POU2F1: variants seen among roughly 807,000 people sequenced by gnomAD.
POU2F1 encodes the protein POU domain, class 2, transcription factor 1.
POU2F1 carries 16 observed loss-of-function variants against 84.9 expected under a neutral mutation model. The ratio of observed to expected loss-of-function variants is 0.19; its 90% CI spans 0.13 to 0.29. The LOEUF (loss-of-function observed/expected upper bound fraction) is 0.29. Ranked by LOEUF, POU2F1 falls within the 10% of genes least tolerant of loss-of-function variation. The pLI is 1.00. For missense variants in POU2F1, 738 were observed against 942.6 expected, an observed-to-expected ratio of 0.78 and a Z score of 2.84; for synonymous variants, 368 against 368.3, an observed-to-expected ratio of 1.00 and a Z score of 0.01.
intron 2 of POU2F1, among the ~76,000 whole-genome samples, chr1:167,350,673 C>CAA (rs56240224): frequency 4.3e-4 from 25 of 58,702 alleles, no homozygotes; most frequent in African/African-American, 1.1e-3. Flanking sequence ...GACTCCATCT[C>CAA]AAAAAAAAAA....
At chr1:167,252,151 C>CG (rs1650780413) in intron 1 of POU2F1, among the ~76,000 whole-genome samples, 1 of 152,006 alleles carries the variant, frequency 6.6e-6, no homozygotes, top group Non-Finnish European at 1.5e-5. Context: ...TGTGAGCCAC[C>CG]GCTGCAAGTC....
intron 1 of POU2F1, among the ~76,000 whole-genome samples, chr1:167,259,556 A>G (rs1651396986): frequency 6.6e-6 from 1 of 152,148 alleles, no homozygotes; most frequent in South Asian, 2.1e-4. Context: ...CTGTGCGTAC[A>G]TGTTAAGAGT....
In POU2F1 at chr1:167,421,050, ATG is replaced by A. The variant is rs575732358; in HGVS notation, c.*5249_*5250del. On this transcript the variant is annotated 3_prime_UTR_variant, in exon 16 of 16. Transcript: ENST00000367866. ...TCATAACTGATATGAGTTTGCTTTT[ATG>A]TGTGTGTGGAAAGCATTTAATGTGT... The A allele has an allele frequency of 6.6e-6, 1 of 152,158 alleles. No individual in the cohort carries two copies. Among genetic ancestry groups the A allele is most frequent in the Non-Finnish European group, 1.5e-5 (1 of 68,022 alleles). The allele number at this position is 152,158 out of a possible 1,614,324, so 9.4% of individuals were successfully genotyped here. A position where few individuals can be genotyped will look rare whatever the true frequency, so the allele number is the denominator to read the frequency against.
chr1:167,415,920 G>T lies in POU2F1; in HGVS notation c.*110G>T. On this transcript the variant is annotated 3_prime_UTR_variant, in exon 16 of 16. Transcript: ENST00000367866. ...GATTGGCTTCCTCTCGCCGTGTTGT[G>T]AGGGCAAAGGAGAGAAGGGAGAAAA... is the stretch of plus-strand genomic sequence containing the variant. 1 of 919,356 alleles carries T rather than the reference G, an allele frequency of 1.1e-6. No homozygotes were observed. Among genetic ancestry groups the T allele is most frequent in the Non-Finnish European group, 1.6e-6 (1 of 633,240 alleles). The allele number at this position is 919,356 out of a possible 1,614,324, so 56.9% of individuals were successfully genotyped here. A position where few individuals can be genotyped will look rare whatever the true frequency, so the allele number is the denominator to read the frequency against.
intron 1 of POU2F1, among the ~76,000 whole-genome samples, chr1:167,306,413 A>C (rs1325328236): frequency 6.6e-6 from 1 of 152,182 alleles, no homozygotes; most frequent in Non-Finnish European, 1.5e-5. Context: ...TTTTTCTTGT[A>C]CTAGGAGAAA....
At position 167,305,191 on chromosome 1, in the gene POU2F1, AT is replaced by A. The variant is rs112884443; in HGVS notation, c.62-27264del. Among the ~76,000 whole-genome samples the A allele has an allele frequency of 9.6e-3, 1,367 of 142,514 alleles. 19 individuals are homozygous for A. The highest frequency in any genetic ancestry group is 0.029 in the African/African-American group (1,149 of 39,024). 93.5% of individuals were successfully genotyped at this position (142,514 alleles called of 152,430 possible). A position where few individuals can be genotyped will look rare whatever the true frequency, so the allele number is the denominator to read the frequency against. ...GGTGGGGACACAGAGAATGTAGGCA[AT>A]TTTTTTTTTTTTTTAAACAGGATCT... On this transcript the variant is annotated intron_variant, in intron 1 of 15. Transcript: ENST00000367866.
At position 167,395,592 on chromosome 1, in the gene POU2F1, A is replaced by C. The variant is rs111610217; in HGVS notation, c.988-694A>C. ...AGGTGATACAGATAAATTTATTTTTATTTTTCTTTTTTAAATTTTTTTCTT... is the reference window on the plus strand; with the variant it reads ...AGGTGATACAGATAAATTTATTTTTCTTTTTCTTTTTTAAATTTTTTTCTT... On this transcript the variant is annotated intron_variant, in intron 9 of 15. Transcript: ENST00000367866. 8.9e-4 allele frequency among the ~76,000 whole-genome samples: 136 copies of C among 151,974 alleles called. 1 individual carries two copies. Among genetic ancestry groups the C allele is most frequent in the African/African-American group, 3.3e-3 (135 of 41,462 alleles).
rs1408307338 is a variant in POU2F1 at position 167,389,644 on chromosome 1, C to G, written c.870C>G (p.Ser290Arg). ...AATPIQTLPQSQSTPKRIDTP... is the reference protein window; with the variant it reads ...AATPIQTLPQRQSTPKRIDTP... Reference sequence around the variant, plus strand: ...CCCCAATTCAGACACTTCCACAGAGCCAGTCAACACCAAAGCGAATTGATA... The same window carrying G: ...CCCCAATTCAGACACTTCCACAGAGGCAGTCAACACCAAAGCGAATTGATA... Residue 290 changes from serine to arginine, a missense_variant, in exon 9 of 16, where the codon AGC becomes AGG. Physicochemically the swap from Ser to Arg is moderately radical, Grantham distance 110. This residue lies in a region of POU2F1 where 163 missense variants were observed against 214.4 expected (regional missense o/e 0.76). Transcript: ENST00000367866. 1.2e-6 allele frequency: 2 copies of G among 1,614,206 alleles called. No homozygotes were observed. The highest frequency in any genetic ancestry group is 1.7e-6 in the Non-Finnish European group (2 of 1,180,038).
rs539321458 is a variant in POU2F1, at chr1:167,278,732, G to A, written c.62-53738G>A. 5.9e-5 allele frequency among the ~76,000 whole-genome samples: 9 copies of A among 152,056 alleles called. No individual in the cohort carries two copies. In the East Asian group the frequency reaches 1.7e-3, roughly 29 times the overall value. On this transcript the variant is annotated intron_variant, in intron 1 of 15. Transcript: ENST00000367866. ...GTTGACTTAGCTCACTTTTCAGCAA[G>A]CGTTTCAGTGCTTACAATACGCCAG...
chr1:167,421,934 T>C lies in POU2F1; in HGVS notation c.*6124T>C, dbSNP rs1340902094. On this transcript the variant is annotated 3_prime_UTR_variant, in exon 16 of 16. Transcript: ENST00000367866. ...GGGTTGGGTGGGGGAAGAGGAGATG[T>C]TGATTATGTTAGAAGGAAAACATTG... The C allele has an allele frequency of 6.6e-6, 1 of 152,202 alleles. No homozygotes were observed. Among genetic ancestry groups the C allele is most frequent in the Non-Finnish European group, 1.5e-5 (1 of 68,034 alleles). 9.4% of individuals were successfully genotyped at this position (152,202 alleles called of 1,614,324 possible).
chr1:167,253,443 G>A (rs1396323986), intron 1 of POU2F1, among the ~76,000 whole-genome samples: 1 of 146,884 alleles, frequency 6.8e-6, no homozygotes, highest in African/African-American at 2.6e-5. Context: ...GGTTTTTTGG[G>A]TTTTTTTGGT....
At chr1:167,340,100 A>G (rs1376801436) in intron 2 of POU2F1, among the ~76,000 whole-genome samples, 4 of 152,160 alleles carry the variant, frequency 2.6e-5, no homozygotes, top group African/African-American at 9.6e-5. Context: ...TTTTTTTAAG[A>G]TGGAATTTCA....
intron 2 of POU2F1, among the ~76,000 whole-genome samples, chr1:167,349,751 G>A (rs1041969173): frequency 3.9e-5 from 6 of 152,000 alleles, no homozygotes; most frequent in African/African-American, 1.4e-4. Context: ...TGATATTCCT[G>A]GTTCTCATTT....
intron 1 of POU2F1, among the ~76,000 whole-genome samples, chr1:167,281,510 A>G (rs924893862): frequency 1.4e-4 from 21 of 152,364 alleles, no homozygotes; most frequent in Admixed American, 2.6e-4. Flanking sequence ...CAGCCACATG[A>G]TGGAAGAAGA....
In POU2F1 at chr1:167,416,316, G is replaced by GT. The variant is rs1650320470; in HGVS notation, c.*507dup. On this transcript the variant is annotated 3_prime_UTR_variant, in exon 16 of 16. Transcript: ENST00000367866. Reference sequence around the variant, plus strand: ...AAGTCATAACAAGGTGTTTATAATCGTATCAATTGTGTTGGGGGTTCCTTT... The same window carrying GT: ...AAGTCATAACAAGGTGTTTATAATCGTTATCAATTGTGTTGGGGGTTCCTTT... The GT allele has an allele frequency of 8.4e-6, 2 of 237,918 alleles. No homozygotes were observed. Among genetic ancestry groups the GT allele is most frequent in the South Asian group, 9.9e-5 (2 of 20,198 alleles). The allele number at this position is 237,918 out of a possible 1,614,324, so 14.7% of individuals were successfully genotyped here.
chr1:167,389,282 A>G (rs12117962), intron 8 of POU2F1, among the ~76,000 whole-genome samples: 23,774 of 152,234 alleles, frequency 0.16, 2,114 homozygotes, highest in Non-Finnish European at 0.2. Flanking sequence ...TAATTTATTA[A>G]AAGACATAAG....
intron 11 of POU2F1, among the ~76,000 whole-genome samples, chr1:167,398,789 CAT>C (rs1648990045): frequency 7.1e-6 from 1 of 140,596 alleles, no homozygotes; most frequent in African/African-American, 2.7e-5. Flanking sequence ...TTGGGCAAAT[CAT>C]GTGATTTCTT....
chr1:167,367,061 A>G (rs1283546676), intron 3 of POU2F1, among the ~76,000 whole-genome samples: 1 of 152,174 alleles, frequency 6.6e-6, no homozygotes, highest in Non-Finnish European at 1.5e-5. Context: ...GATTACCAAA[A>G]TCACAGACCC....
At chr1:167,338,664 G>T (rs1013454350) in intron 2 of POU2F1, among the ~76,000 whole-genome samples, 1 of 152,172 alleles carries the variant, frequency 6.6e-6, no homozygotes, top group Non-Finnish European at 1.5e-5. Flanking sequence ...TGGAAAGATG[G>T]TATTTCCCCA....
Sources: gnomAD v4.1 joint callset for allele counts (sites outside exome capture counted in the v4.1 genomes callset) on GRCh38, gnomAD v4.1.1 for gene constraint, gnomAD v4.1.1 regional missense constraint, MANE v1.5 for transcripts, NCBI Gene and HGNC (gene_info 2026-07-23, HGNC 2026-07-21) for gene names.